MIDEAS: variants seen among roughly 807,000 people sequenced by gnomAD.
MIDEAS encodes mitotic deacetylase-associated SANT domain protein.
Under a neutral mutation model 102.7 loss-of-function variants are expected in MIDEAS, and 26 were observed. The ratio of observed to expected loss-of-function variants is 0.25; its 90% CI spans 0.19 to 0.35. The LOEUF (loss-of-function observed/expected upper bound fraction) is 0.35, where lower values mean the gene tolerates loss of function less well. Ranked by LOEUF, MIDEAS falls within the 10% of genes least tolerant of loss-of-function variation. The pLI is 1.00. For synonymous variants in MIDEAS, 585 were observed against 591.0 expected (o/e 0.99, Z 0.15); for missense variants, 1,231 against 1,435.6 (o/e 0.86, Z 2.30).
At chr14:73,750,703 T>C (rs1425546935) in intron 1 of MIDEAS, among the ~76,000 whole-genome samples, 2 of 152,234 alleles carry the variant, frequency 1.3e-5, no homozygotes, top group East Asian at 1.9e-4. Context: ...TCAAGGGATG[T>C]CAATGTTTAC....
chr14:73,786,405 T>C (rs886854731), intron 1 of MIDEAS, among the ~76,000 whole-genome samples: 7 of 152,166 alleles, frequency 4.6e-5, no homozygotes, highest in African/African-American at 1.4e-4. Context: ...GAGTTTTATA[T>C]AGAAAACACT....
intron 12 of MIDEAS, 75 bp from the exon 13 acceptor site, chr14:73,719,083 C>T (rs1374275925): frequency 6.9e-7 from 1 of 1,447,986 alleles, no homozygotes; most frequent in East Asian, 2.5e-5. Context: ...GCGAGGAGCC[C>T]CAGCCTTCAC....
At chr14:73,726,565 C>T (rs1262309805) in intron 7 of MIDEAS, 39 bp downstream of exon 7, 1 of 1,594,306 alleles carries the variant, frequency 6.3e-7, no homozygotes, top group East Asian at 2.2e-5. Context: ...AGCCAGCCCC[C>T]ACTGAGGGGC....
chr14:73,765,356 TG>T (rs2140162381), intron 1 of MIDEAS, among the ~76,000 whole-genome samples: 1 of 152,358 alleles, frequency 6.6e-6, no homozygotes, highest in South Asian at 2.1e-4. Flanking sequence ...CACACTAGCT[TG>T]ATGACCTTCA....
intron 1 of MIDEAS, among the ~76,000 whole-genome samples, chr14:73,752,797 C>T (rs907663076): frequency 6.6e-6 from 1 of 152,194 alleles, no homozygotes; most frequent in South Asian, 2.1e-4. Flanking sequence ...GGCCTTTTCT[C>T]CTATGTTGAT....
chr14:73,757,293 A>AAAAAAAAAAAAAAAAAAC (rs1566602278), intron 1 of MIDEAS, among the ~76,000 whole-genome samples: 12 of 150,590 alleles, frequency 8.0e-5, no homozygotes, highest in African/African-American at 2.7e-4. Flanking sequence ...AAAAAAAAAA[A>AAAAAAAAAAAAAAAAAAC]ACACTAAACA....
At chr14:73,764,156 A>G (rs1029783254), upstream of MIDEAS, among the ~76,000 whole-genome samples, 2 of 151,912 alleles carry the variant, frequency 1.3e-5, no homozygotes, top group African/African-American at 4.8e-5. Context: ...CCTGGCTAAC[A>G]TGGTAAAACC....
intron 1 of MIDEAS, among the ~76,000 whole-genome samples, chr14:73,780,644 C>A (rs1026801047): frequency 3.3e-5 from 5 of 152,212 alleles, no homozygotes; most frequent in African/African-American, 1.2e-4. Flanking sequence ...GTTGGCCCTG[C>A]ATTAACTGGC....
chr14:73,741,340 C>A (rs1288903640), intron 1 of MIDEAS, among the ~76,000 whole-genome samples: 4 of 152,120 alleles, frequency 2.6e-5, no homozygotes, highest in Non-Finnish European at 5.9e-5. Flanking sequence ...ACTTTTCTTT[C>A]CCTCAGAGTG....
rs893743515 is a variant in MIDEAS at position 73,742,770 on chromosome 14, C to A, written c.-247-2515G>T. Among the ~76,000 whole-genome samples the A allele has an allele frequency of 1.3e-5, 2 of 152,080 alleles. No homozygotes were observed. Among genetic ancestry groups the A allele is most frequent in the African/African-American group, 4.8e-5 (2 of 41,410 alleles). On this transcript the variant is annotated intron_variant, in intron 1 of 12. Coordinates refer to ENST00000423556, the MANE Select transcript of MIDEAS (RefSeq NM_001367710.1). This position sits in a 1 kb window ranked among gnomAD's most constrained non-coding sequence, Gnocchi z 4.4. Reference sequence around the variant, plus strand: ...GGGGCACAGACAGTCAGGCCTGGGACCCTCAGAGAAGAAAGGTCATCGGCT... The same window carrying A: ...GGGGCACAGACAGTCAGGCCTGGGAACCTCAGAGAAGAAAGGTCATCGGCT...
chr14:73,782,818 G>A (rs1281195516), intron 1 of MIDEAS, among the ~76,000 whole-genome samples: 1 of 152,228 alleles, frequency 6.6e-6, no homozygotes, highest in African/African-American at 2.4e-5. Flanking sequence ...TGACAGTCAG[G>A]AAAGAGATGC....
intron 1 of MIDEAS, among the ~76,000 whole-genome samples, chr14:73,745,234 C>G (rs1252610491): frequency 1.3e-5 from 2 of 152,172 alleles, no homozygotes; most frequent in African/African-American, 4.8e-5. Context: ...CCCTCTACAC[C>G]TATGTGGAAC....
chr14:73,725,912 G>A lies in MIDEAS; in HGVS notation c.2485+121C>T. 1.2e-6 allele frequency: 1 copy of A among 853,666 alleles called. No individual in the cohort carries two copies. Among genetic ancestry groups the A allele is most frequent in the Non-Finnish European group, 1.9e-6 (1 of 530,880 alleles). The allele number at this position is 853,666 out of a possible 1,614,324, so 52.9% of individuals were successfully genotyped here. ...GGCAGTTCCCTCACTCTGACTCTTG[G>A]CTTATCTACCCTCCTCCTCCCGCCC... On this transcript the variant is annotated intron_variant, in intron 8 of 12. Coordinates refer to ENST00000423556, the MANE Select transcript of MIDEAS (RefSeq NM_001367710.1). This position sits in a 1 kb window ranked among gnomAD's most constrained non-coding sequence, Gnocchi z 4.1.
At chr14:73,777,816 C>T (rs2053705282) in intron 1 of MIDEAS, among the ~76,000 whole-genome samples, 4 of 151,956 alleles carry the variant, frequency 2.6e-5, no homozygotes, top group Admixed American at 2.6e-4. Context: ...TAGAAGTGGC[C>T]AGTCCTCTCC....
intron 11 of MIDEAS, 120 bp from the exon 12 acceptor site, chr14:73,719,621 G>C (rs1455485908): frequency 3.1e-6 from 3 of 957,856 alleles, no homozygotes; most frequent in Non-Finnish European, 4.7e-6. Flanking sequence ...CAGTCACCTA[G>C]CATGCACTTG....
At chr14:73,751,355 G>T (rs1463195985) in intron 1 of MIDEAS, among the ~76,000 whole-genome samples, 4 of 152,186 alleles carry the variant, frequency 2.6e-5, no homozygotes, top group Non-Finnish European at 1.5e-5. Context: ...GCAGCCTCTG[G>T]GTTGCTCACG....
chr14:73,735,419 T>C (rs1335639224), intron 3 of MIDEAS, among the ~76,000 whole-genome samples: 1 of 152,216 alleles, frequency 6.6e-6, no homozygotes, highest in African/African-American at 2.4e-5. Context: ...GTCAGGCTGG[T>C]CTTGAACTGC....
rs974465016 is a variant in MIDEAS at position 73,718,549 on chromosome 14, T to A, written c.*294A>T. Reference sequence around the variant, plus strand: ...CAGCAGAGCAGCAGAAATCGGAGTGTGAGAGGCGGTGGAGTCCCTCCCGAG... The same window carrying A: ...CAGCAGAGCAGCAGAAATCGGAGTGAGAGAGGCGGTGGAGTCCCTCCCGAG... On this transcript the variant is annotated 3_prime_UTR_variant, in exon 13 of 13. Coordinates refer to ENST00000423556, the MANE Select transcript of MIDEAS (RefSeq NM_001367710.1). The A allele has an allele frequency of 7.0e-6, 2 of 284,302 alleles. No individual in the cohort carries two copies. Among genetic ancestry groups the A allele is most frequent in the East Asian group, 6.0e-5 (1 of 16,686 alleles). The allele number at this position is 284,302 out of a possible 1,614,324, so 17.6% of individuals were successfully genotyped here.
chr14:73,727,401 C>A, intron 5 of MIDEAS, 57 bp downstream of exon 5: 2 of 1,583,816 alleles, frequency 1.3e-6, no homozygotes, highest in South Asian at 2.2e-5. Context: ...CCCACCTGCA[C>A]ACACTGCACC....
Sources: allele counts gnomAD v4.1 joint callset (sites outside exome capture counted in the v4.1 genomes callset), GRCh38; gene constraint gnomAD v4.1.1; non-coding constraint Gnocchi (gnomAD v3.1); transcripts MANE v1.5; gene names NCBI Gene and HGNC (gene_info 2026-07-23, HGNC 2026-07-21).